CAMTA1: variants seen among roughly 807,000 people sequenced by gnomAD.
The protein encoded by CAMTA1 is calmodulin-binding transcription activator 1.
In CAMTA1, 27 loss-of-function variants were observed where a neutral mutation model predicts 170.9. The ratio of observed to expected loss-of-function variants is 0.16; its 90% CI spans 0.12 to 0.22. The LOEUF (loss-of-function observed/expected upper bound fraction) is 0.22, where lower values mean the gene tolerates loss of function less well. Ranked by LOEUF, CAMTA1 falls within the 10% of genes least tolerant of loss-of-function variation. The pLI is 1.00. For missense variants in CAMTA1, 1,619 were observed against 2,217.2 expected (o/e 0.73, Z 5.42); for synonymous variants, 833 against 891.5 (o/e 0.93, Z 1.17).
chr1:7,436,775 G>T (rs1226303131), intron 5 of CAMTA1, among the ~76,000 whole-genome samples: 1 of 152,184 alleles, frequency 6.6e-6, no homozygotes, highest in African/African-American at 2.4e-5. Flanking sequence ...TGTACCCTGG[G>T]AACGGCAGTG....
chr1:7,736,889 G>T lies in CAMTA1; in HGVS notation c.3264-42G>T. The T allele has an allele frequency of 6.9e-7, 1 of 1,454,038 alleles. No individual in the cohort carries two copies. Among genetic ancestry groups the T allele is most frequent in the East Asian group, 2.3e-5 (1 of 43,864 alleles). The allele number at this position is 1,454,038 out of a possible 1,614,324, so 90.1% of individuals were successfully genotyped here. A position where few individuals can be genotyped will look rare whatever the true frequency, so the allele number is the denominator to read the frequency against. The stretch of plus-strand genomic sequence containing the variant: ...TAATATTCTGGTGTTTCCTTTTAAC[G>T]GTGGTGAATAGTGTGGTAATTTCTG... On this transcript the variant is annotated intron_variant, in intron 13 of 22. Coordinates refer to ENST00000303635, the MANE Select transcript of CAMTA1 (RefSeq NM_015215.4). This position sits in a 1 kb window ranked among gnomAD's most constrained non-coding sequence, Gnocchi z 4.5.
At chr1:6,961,572 C>G (rs1313827603) in intron 3 of CAMTA1, among the ~76,000 whole-genome samples, 1 of 136,370 alleles carries the variant, frequency 7.3e-6, no homozygotes, top group African/African-American at 2.7e-5. Context: ...GAGCCCAGGG[C>G]TCTCAGTCAT....
intron 6 of CAMTA1, among the ~76,000 whole-genome samples, chr1:7,509,277 C>T (rs746182317): frequency 6.6e-6 from 1 of 152,232 alleles, no homozygotes; most frequent in Non-Finnish European, 1.5e-5. Flanking sequence ...CTCTCTTTCA[C>T]TTTATCCCAT....
rs906069797 is a variant in CAMTA1, at chr1:7,642,794, G to T, written c.664+2241G>T. Among the ~76,000 whole-genome samples the T allele has an allele frequency of 1.1e-4, 16 of 152,258 alleles. No individual in the cohort carries two copies. Among genetic ancestry groups the T allele is most frequent in the Non-Finnish European group, 1.5e-4 (10 of 68,006 alleles). ...ACCCCAGTACCCCTTCTATAAAGGG[G>T]TAGCAAGAATCTAGCAGCCTCTGCC... On this transcript the variant is annotated intron_variant, in intron 7 of 22. Coordinates refer to ENST00000303635, the MANE Select transcript of CAMTA1 (RefSeq NM_015215.4). This position sits in a 1 kb window ranked among gnomAD's most constrained non-coding sequence, Gnocchi z 6.3.
intron 5 of CAMTA1, among the ~76,000 whole-genome samples, chr1:7,372,191 C>T (rs1181034742): frequency 6.6e-6 from 1 of 152,198 alleles, no homozygotes; most frequent in East Asian, 1.9e-4. Flanking sequence ...CCCAACCTCC[C>T]TTAATCTCCA....
At chr1:7,446,770 G>C (rs2092691598) in intron 5 of CAMTA1, among the ~76,000 whole-genome samples, 1 of 152,224 alleles carries the variant, frequency 6.6e-6, no homozygotes, top group Non-Finnish European at 1.5e-5. Flanking sequence ...CCAGCAGCTG[G>C]GCTGGAAACC....
chr1:6,885,840 TC>T (rs1673060483), intron 3 of CAMTA1, among the ~76,000 whole-genome samples: 1 of 152,144 alleles, frequency 6.6e-6, no homozygotes, highest in Non-Finnish European at 1.5e-5. Context: ...TTCTGTCCGT[TC>T]CTACTTGCTG....
At position 7,674,800 on chromosome 1, in the gene CAMTA1, CA is replaced by C. The variant is rs1396606042; in HGVS notation, c.2780-2794del. ...AAAAAACAAAAAGCAAACAAACAAACAAAAACAACAAATGAGGTGTAGAATT... is the reference window on the plus strand; with the variant it reads ...AAAAAACAAAAAGCAAACAAACAAACAAAACAACAAATGAGGTGTAGAATT... On this transcript the variant is annotated intron_variant, in intron 10 of 22. Transcript: ENST00000303635. This position sits in a 1 kb window ranked among gnomAD's most constrained non-coding sequence, Gnocchi z 4.1. Among the ~76,000 whole-genome samples, 2 of 151,996 alleles carry C rather than the reference CA, an allele frequency of 1.3e-5. No individual in the cohort carries two copies. The highest frequency in any genetic ancestry group is 3.9e-4 in the East Asian group (2 of 5,162).
chr1:7,645,151 A>G (rs186192875), intron 7 of CAMTA1, among the ~76,000 whole-genome samples: 11 of 152,244 alleles, frequency 7.2e-5, no homozygotes, highest in Non-Finnish European at 1.3e-4. Flanking sequence ...CCACTGAGAG[A>G]TGACTTTGAG....
chr1:7,246,851 A>T (rs1232681046), intron 4 of CAMTA1, among the ~76,000 whole-genome samples: 4 of 151,930 alleles, frequency 2.6e-5, no homozygotes, highest in African/African-American at 9.7e-5. Flanking sequence ...TATTTTTAGT[A>T]GAGGTGGGGT....
chr1:7,124,043 G>A (rs1644794046), intron 4 of CAMTA1, among the ~76,000 whole-genome samples: 1 of 152,172 alleles, frequency 6.6e-6, no homozygotes, highest in Non-Finnish European at 1.5e-5. Flanking sequence ...GGGCTTGGGG[G>A]CACAGATGTC....
At position 7,561,711 on chromosome 1, in the gene CAMTA1, C is replaced by T. The variant is rs773512897; in HGVS notation, c.511-78689C>T. Among the ~76,000 whole-genome samples the T allele has an allele frequency of 2.0e-5, 3 of 151,770 alleles. No individual in the cohort carries two copies. Among genetic ancestry groups the T allele is most frequent in the Non-Finnish European group, 2.9e-5 (2 of 67,956 alleles). ...GCCACCCCTCCCCAGCCCCCTAGGC[C>T]ACTGTGTTAGATTCTTCACGACGCC... On this transcript the variant is annotated intron_variant, in intron 6 of 22. Transcript: ENST00000303635. The surrounding 1 kb of genome is among the most constrained non-coding windows in gnomAD (Gnocchi z 5.3).
At chr1:7,368,349 G>A (rs1278282673) in intron 5 of CAMTA1, among the ~76,000 whole-genome samples, 10 of 151,022 alleles carry the variant, frequency 6.6e-5, no homozygotes, top group African/African-American at 2.4e-4. Flanking sequence ...TGTTTCATTG[G>A]GTGCAGACAC....
chr1:6,922,445 T>C (rs1682221059), intron 3 of CAMTA1, among the ~76,000 whole-genome samples: 1 of 152,208 alleles, frequency 6.6e-6, no homozygotes, highest in South Asian at 2.1e-4. Context: ...AGATAGTGGC[T>C]GGGCTGTCAT....
chr1:7,418,442 G>A (rs1396425944), intron 5 of CAMTA1, among the ~76,000 whole-genome samples: 2 of 152,168 alleles, frequency 1.3e-5, no homozygotes, highest in Admixed American at 6.5e-5. Flanking sequence ...CAGGTGGTCC[G>A]CCCACCTTGG....
At chr1:7,530,237 C>T (rs749258822) in intron 6 of CAMTA1, among the ~76,000 whole-genome samples, 8 of 152,202 alleles carry the variant, frequency 5.3e-5, no homozygotes, top group Non-Finnish European at 8.8e-5. Context: ...GGCCCCAGCT[C>T]GTCCTCCTCC....
chr1:7,376,725 T>C (rs2086868907), intron 5 of CAMTA1, among the ~76,000 whole-genome samples: 1 of 152,184 alleles, frequency 6.6e-6, no homozygotes, highest in Non-Finnish European at 1.5e-5. Context: ...AGCTAGGACT[T>C]GAACCTGGCT....
chr1:7,021,124 G>A (rs1222767420), intron 3 of CAMTA1, among the ~76,000 whole-genome samples: 1 of 152,264 alleles, frequency 6.6e-6, no homozygotes, highest in Non-Finnish European at 1.5e-5. Context: ...AGGTGTCAGA[G>A]ATGTTTTGAG....
intron 3 of CAMTA1, among the ~76,000 whole-genome samples, chr1:6,891,731 T>C (rs999233730): frequency 6.6e-6 from 1 of 152,190 alleles, no homozygotes; most frequent in African/African-American, 2.4e-5. Flanking sequence ...GACTTCCCAA[T>C]AGAAAGTCCA....
Sources: allele counts gnomAD v4.1 joint callset (sites outside exome capture counted in the v4.1 genomes callset), GRCh38; gene constraint gnomAD v4.1.1; non-coding constraint Gnocchi (gnomAD v3.1); transcripts MANE v1.5; gene names NCBI Gene and HGNC (gene_info 2026-07-23, HGNC 2026-07-21).